The following COQ6 variants were observed in gnomAD, a reference collection of about 807,000 sequenced individuals.
The protein encoded by COQ6 is coenzyme Q6, monooxygenase.
In COQ6, 45 loss-of-function variants were observed where a neutral mutation model predicts 55.5. The observed-to-expected ratio is 0.81, with a 90% CI of 0.64 to 1.04. The LOEUF is 1.04. COQ6 is among the 50% of genes least tolerant of loss of function. COQ6 has a pLI of 0.00. For missense variants in COQ6, 550 were observed against 601.3 expected (o/e 0.91, Z 0.89); for synonymous variants, 206 against 230.5 (o/e 0.89, Z 0.96).
Position 73,953,498 on chromosome 14 carries a change from T to C in COQ6, c.227T>C (p.Leu76Pro), listed in dbSNP as rs1253476625. The change falls in exon 2 of 12, where the codon CTG becomes CCG. Residue 76 changes from leucine to proline, a missense_variant. By Grantham distance (98) the Leu-to-Pro change is moderately conservative. Transcript: ENST00000334571. ...CTCGAAGCAGGTCCAAAGAAAGTAC[T>C]GGAGAAATTGTCAGAAACTTACAGC... ...LLLEAGPKKVLEKLSETYSNR... is the reference protein window; with the variant it reads ...LLLEAGPKKVPEKLSETYSNR... 3 of 1,614,074 alleles carry C rather than the reference T, an allele frequency of 1.9e-6. No homozygotes were observed. Among genetic ancestry groups the C allele is most frequent in the African/African-American group, 2.7e-5 (2 of 74,942 alleles).
In COQ6 at chr14:73,955,525, T is replaced by A. The variant is rs771258000; in HGVS notation, c.357+16T>A. 6.2e-7 allele frequency: 1 copy of A among 1,611,890 alleles called. No individual in the cohort carries two copies. The highest frequency in any genetic ancestry group is 8.5e-7 in the Non-Finnish European group (1 of 1,177,898). On this transcript the variant is annotated intron_variant, in intron 3 of 11. Transcript: ENST00000334571. ...GCGAATGCAGGTGCCCCTTTATCTT[T>A]TCAATTTTGTCAAGATGTCTTGGTC...
chr14:73,962,948 T>G lies in COQ6; in HGVS notation c.1378-22T>G, dbSNP rs2056819718. 3.2e-6 allele frequency: 5 copies of G among 1,583,836 alleles called. No homozygotes were observed. In the East Asian group the frequency reaches 1.1e-4, roughly 35 times the overall value. ...TCACCTTACTGTGTTAAGAGTTTCATTCACTTTTATTTTTTCTCCAGGAAC... is the reference window on the plus strand; with the variant it reads ...TCACCTTACTGTGTTAAGAGTTTCAGTCACTTTTATTTTTTCTCCAGGAAC... On this transcript the variant is annotated intron_variant, in intron 11 of 11. Transcript: ENST00000334571.
intron 1 of COQ6, among the ~76,000 whole-genome samples, chr14:73,951,818 T>G (rs2056205673): frequency 6.6e-6 from 1 of 151,282 alleles, no homozygotes; most frequent in Non-Finnish European, 1.5e-5. Flanking sequence ...ACACAAAATT[T>G]AACTTAAAGC....
intron 8 of COQ6, 102 bp from the exon 9 acceptor site, chr14:73,961,071 C>A: frequency 7.5e-7 from 1 of 1,337,668 alleles, no homozygotes; most frequent in Non-Finnish European, 1.0e-6. Flanking sequence ...AGTTGGGTAG[C>A]ATTAGCCTAA....
chr14:73,955,644 A>G lies in COQ6; in HGVS notation c.357+135A>G. 3 of 1,357,804 alleles carry G rather than the reference A, an allele frequency of 2.2e-6. No individual in the cohort carries two copies. In the South Asian group the frequency reaches 3.5e-5, roughly 16 times the overall value. The allele number at this position is 1,357,804 out of a possible 1,614,324, so 84.1% of individuals were successfully genotyped here. On this transcript the variant is annotated intron_variant, in intron 3 of 11. Transcript: ENST00000334571. ...ACATTCAGTCCGAGGAAGTGGGGAG[A>G]AGCATTCCCAGGAGAATTTTCTTCT...
At chr14:73,957,103 T>TATTA (rs199572425) in intron 4 of COQ6, among the ~76,000 whole-genome samples, 53 of 146,738 alleles carry the variant, frequency 3.6e-4, no homozygotes, top group Non-Finnish European at 5.8e-4. Flanking sequence ...TTATTATTAT[T>TATTA]TTTTTTTTTT....
rs2056143461 is a variant in COQ6 at position 73,950,479 on chromosome 14, C to G, written c.147C>G (p.Ala49=). 1 of 1,608,706 alleles carries G rather than the reference C, an allele frequency of 6.2e-7. No individual in the cohort carries two copies. Among genetic ancestry groups the G allele is most frequent in the Non-Finnish European group, 8.5e-7 (1 of 1,178,328 alleles). Residue 49 remains alanine (A), a synonymous_variant, in exon 1 of 12, where the codon GCC becomes GCG. Transcript: ENST00000334571. ...CGGGTGGAGGCCTGGTGGGCGCTGC[C>G]ATGGCCTGTGCCTTGGGTAAGCCCT... ...VVSGGGLVGA[A]MACALGYDIH...
chr14:73,950,627 A>G (rs1020846144), intron 1 of COQ6, 132 bp downstream of exon 1: 4 of 1,362,852 alleles, frequency 2.9e-6, no homozygotes, highest in African/African-American at 2.9e-5. Context: ...CTCCCCTCCT[A>G]GAGGAACCCC....
At chr14:73,954,629 G>A (rs1456033036) in intron 2 of COQ6, among the ~76,000 whole-genome samples, 2 of 151,898 alleles carry the variant, frequency 1.3e-5, no homozygotes, top group Non-Finnish European at 2.9e-5. Context: ...GGATCACAGG[G>A]TCAGGCGATC....
chr14:73,960,133 A>G, intron 8 of COQ6: 1 of 992,008 alleles, frequency 1.0e-6, no homozygotes, highest in African/African-American at 1.7e-5. Context: ...GGTTGCAGCT[A>G]CCTGAACCTT....
intron 11 of COQ6, 106 bp downstream of exon 11, chr14:73,962,009 A>G: frequency 7.7e-7 from 1 of 1,295,594 alleles, no homozygotes; most frequent in Non-Finnish European, 1.1e-6. Flanking sequence ...GTGCAGTGGC[A>G]CAATTTCCAC....
chr14:73,963,088 T>G lies in COQ6; in HGVS notation c.*89T>G. ...ACATATTTTCAAGATCTTATTTAAT[T>G]TAATAAACTTACTTTACATTAAAAT... On this transcript the variant is annotated 3_prime_UTR_variant, in exon 12 of 12. Transcript: ENST00000334571. 4 of 1,081,526 alleles carry G rather than the reference T, an allele frequency of 3.7e-6. No individual in the cohort carries two copies. Among genetic ancestry groups the G allele is most frequent in the Non-Finnish European group, 5.7e-6 (4 of 700,096 alleles). 67.0% of individuals were successfully genotyped at this position (1,081,526 alleles called of 1,614,324 possible).
rs925507425 is a variant in COQ6, at chr14:73,959,022, A to G, written c.664A>G (p.Asn222Asp). The G allele has an allele frequency of 6.2e-7, 1 of 1,614,174 alleles. No homozygotes were observed. ...SGVRQAVGIQ[N>D]VSWNYDQSAV... is the part of the protein sequence containing the mutation. ...AGTACGGCAGGCTGTTGGAATCCAG[A>G]ATGTGAGCTGGAACTATGACCAGTC... The change falls in exon 6 of 12, where the codon AAT becomes GAT. Residue 222 changes from asparagine (N) to aspartate (D), a missense_variant. Physicochemically the swap from Asn to Asp is conservative, Grantham distance 23 (BLOSUM62 1). Transcript: ENST00000334571.
chr14:73,958,709 T>C (rs2056561763), intron 5 of COQ6: 1 of 1,380,420 alleles, frequency 7.2e-7, no homozygotes, highest in Non-Finnish European at 9.4e-7. Flanking sequence ...TATTGCTCTC[T>C]AGTTCAAATA....
upstream of COQ6, chr14:73,950,118 C>G (rs2056126876): frequency 1.2e-6 from 2 of 1,600,912 alleles, no homozygotes; most frequent in Non-Finnish European, 1.7e-6. Context: ...CCACCCCTTT[C>G]TAGCTTTGGC....
rs775635349 is a variant in COQ6 at position 73,950,367 on chromosome 14, T to C, written c.35T>C (p.Val12Ala). 1.3e-6 allele frequency: 2 copies of C among 1,561,866 alleles called. No individual in the cohort carries two copies. The highest frequency in any genetic ancestry group is 4.8e-5 in the East Asian group (2 of 41,720). The change falls in exon 1 of 12, where the codon GTG becomes GCG. Residue 12 changes from valine to alanine, a missense_variant. By Grantham distance (64) the Val-to-Ala change is moderately conservative (BLOSUM62 0). Transcript: ENST00000334571. ...AARLVSRCGA[V>A]RAAPHSGPLV... ...CGGCTTGTCAGCCGATGCGGGGCTG[T>C]GCGTGCAGCTCCCCACAGCGGCCCG...
intron 11 of COQ6, among the ~76,000 whole-genome samples, chr14:73,962,147 C>T (rs2140424377): frequency 6.6e-6 from 1 of 151,934 alleles, no homozygotes; most frequent in Admixed American, 6.6e-5. Context: ...GGGGTTTCAC[C>T]ATGTTGGCCA....
chr14:73,951,126 A>G (rs2056174837), intron 1 of COQ6, among the ~76,000 whole-genome samples: 1 of 151,978 alleles, frequency 6.6e-6, no homozygotes, highest in Non-Finnish European at 1.5e-5. Flanking sequence ...CCTCCCAAAT[A>G]GCTGGGACTG....
chr14:73,958,093 C>T, intron 4 of COQ6, 54 bp from the exon 5 acceptor site: 2 of 1,443,882 alleles, frequency 1.4e-6, no homozygotes, highest in Non-Finnish European at 2.0e-6. Flanking sequence ...GCTTTTTCCT[C>T]AGCCTATGTG....
Sources: gnomAD v4.1 joint callset for allele counts (sites outside exome capture counted in the v4.1 genomes callset) on GRCh38, gnomAD v4.1.1 for gene constraint, MANE v1.5 for transcripts, NCBI Gene and HGNC (gene_info 2026-07-23, HGNC 2026-07-21) for gene names.